PRUNE2: variants seen among roughly 807,000 people sequenced by gnomAD.
The protein encoded by PRUNE2 is protein prune homolog 2.
Under a neutral mutation model 252.0 loss-of-function variants are expected in PRUNE2, and 164 were observed. That is an observed-to-expected ratio of 0.65 (90% CI 0.57 to 0.74). The LOEUF (loss-of-function observed/expected upper bound fraction) is 0.74, where lower values mean the gene tolerates loss of function less well. PRUNE2 is among the 30% of genes least tolerant of loss of function. PRUNE2 has a pLI of 0.00. For missense variants in PRUNE2, 3,495 were observed against 3,711.0 expected (o/e 0.94, Z 1.51); for synonymous variants, 1,292 against 1,350.2 (o/e 0.96, Z 0.94).
Position 76,719,197 on chromosome 9 carries a change from C to A in PRUNE2, c.757-5476G>T, listed in dbSNP as rs151209359. Among the ~76,000 whole-genome samples, 12 of 152,176 alleles carry A rather than the reference C, an allele frequency of 7.9e-5. No homozygotes were observed. In the East Asian group the frequency reaches 1.9e-3, roughly 25 times the overall value. ...AATAATGACACTCTCCTGCTTAAAG[C>A]CTACTGAAAGTTTCCCAATGCAATT... On this transcript the variant is annotated intron_variant, in intron 6 of 18. Coordinates refer to ENST00000376718, the MANE Select transcript of PRUNE2 (RefSeq NM_015225.3).
At chr9:76,789,506 C>T (rs1453716667) in intron 6 of PRUNE2, among the ~76,000 whole-genome samples, 1 of 152,212 alleles carries the variant, frequency 6.6e-6, no homozygotes, top group Admixed American at 6.5e-5. Context: ...GTGGAGGCCT[C>T]TCCTCTGCAA....
At position 76,638,775 on chromosome 9, in the gene PRUNE2, A is replaced by G. The variant is rs924579258; in HGVS notation, c.8729-487T>C. ...CTTAATTTAAAGGGAGAATTTAGCC[A>G]CTGAAGTGCAACATAATCTCTCATC... is the stretch of plus-strand genomic sequence containing the variant. On this transcript the variant is annotated intron_variant, in intron 12 of 18. Transcript: ENST00000376718. Among the ~76,000 whole-genome samples, 9 of 152,214 alleles carry G rather than the reference A, an allele frequency of 5.9e-5. 1 individual carries two copies. The South Asian group carries it at 1.2e-3, about 21-fold the overall frequency.
chr9:76,818,397 C>G (rs973692752), intron 6 of PRUNE2, among the ~76,000 whole-genome samples: 27 of 152,178 alleles, frequency 1.8e-4, no homozygotes, highest in African/African-American at 6.5e-4. Context: ...CTTGGGAATT[C>G]ATTCTGGTCT....
chr9:76,769,259 A>T (rs1179317409), intron 6 of PRUNE2, among the ~76,000 whole-genome samples: 4 of 152,366 alleles, frequency 2.6e-5, no homozygotes, highest in African/African-American at 9.6e-5. Context: ...TCTGCAGCTT[A>T]AAACAATTTT....
At chr9:76,761,030 G>A (rs556858015) in intron 6 of PRUNE2, among the ~76,000 whole-genome samples, 22 of 143,018 alleles carry the variant, frequency 1.5e-4, no homozygotes, top group South Asian at 6.8e-4. Flanking sequence ...AGGTTGCGGT[G>A]AGCCGAGATC....
At chr9:76,858,096 A>G (rs1421041924) in intron 1 of PRUNE2, among the ~76,000 whole-genome samples, 1 of 152,240 alleles carries the variant, frequency 6.6e-6, no homozygotes, top group Non-Finnish European at 1.5e-5. Context: ...AAAAGGGACA[A>G]TAATAATGAT....
chr9:76,851,248 T>G (rs913887358), intron 2 of PRUNE2, among the ~76,000 whole-genome samples: 1 of 152,000 alleles, frequency 6.6e-6, no homozygotes, highest in African/African-American at 2.4e-5. Flanking sequence ...CCAGTGTAGT[T>G]AAAACTTTAA....
At chr9:76,905,880 T>TAA in intron 1 of PRUNE2, 48 bp downstream of exon 1, 1 of 1,612,728 alleles carries the variant, frequency 6.2e-7, no homozygotes, top group Admixed American at 1.7e-5. Flanking sequence ...CACCTTTCCA[T>TAA]TAGCATACGC....
chr9:76,882,696 T>A (rs2061858753), intron 1 of PRUNE2, among the ~76,000 whole-genome samples: 1 of 152,140 alleles, frequency 6.6e-6, no homozygotes, highest in Non-Finnish European at 1.5e-5. Flanking sequence ...ACAGGAGCCG[T>A]ACCAGGGGAT....
chr9:76,611,787 C>T lies in PRUNE2; in HGVS notation c.*2783G>A, dbSNP rs1344011581. 2 of 152,636 alleles carry T rather than the reference C, an allele frequency of 1.3e-5. No homozygotes were observed. Among genetic ancestry groups the T allele is most frequent in the Non-Finnish European group, 2.9e-5 (2 of 68,044 alleles). 9.5% of individuals were successfully genotyped at this position (152,636 alleles called of 1,614,324 possible). On this transcript the variant is annotated 3_prime_UTR_variant, in exon 19 of 19. Transcript: ENST00000376718. The stretch of plus-strand genomic sequence containing the variant: ...GATTTTCTTCCACACTGAGCTACTG[C>T]CCTCAAACAAACTTTCTCACTCCTT...
intron 6 of PRUNE2, among the ~76,000 whole-genome samples, chr9:76,810,310 A>G (rs1275984006): frequency 1.3e-5 from 2 of 152,228 alleles, no homozygotes; most frequent in African/African-American, 4.8e-5. Context: ...CAATGAGAAA[A>G]TAAAAATCAA....
Position 76,708,620 on chromosome 9 carries a change from A to G in PRUNE2, c.3654T>C (p.Ser1218=), listed in dbSNP as rs1330879522. 9.9e-6 allele frequency: 16 copies of G among 1,613,684 alleles called. No individual in the cohort carries two copies. Among genetic ancestry groups the G allele is most frequent in the Admixed American group, 1.7e-5 (1 of 59,972 alleles). The change falls in exon 8 of 19, where the codon AGT becomes AGC. Residue 1218 remains serine (S), a synonymous_variant. Coordinates refer to ENST00000376718, the MANE Select transcript of PRUNE2 (RefSeq NM_015225.3). ...TATCTCTCATGACAGAATCCCAAAT[A>G]CTGTTTGCAATTAGCTGCCCACTTT... ...NEKSGQLIAN[S]IWDSVMRDKD... is the part of the protein sequence containing the mutation.
intron 8 of PRUNE2, among the ~76,000 whole-genome samples, 178 bp from the exon 9 acceptor site, chr9:76,704,277 T>C (rs1371840712): frequency 2.0e-5 from 3 of 152,000 alleles, no homozygotes; most frequent in Non-Finnish European, 4.4e-5. Flanking sequence ...CAGGATAGAG[T>C]GCAATGGTGT....
At chr9:76,783,695 G>GT (rs1476120105) in intron 6 of PRUNE2, 1 of 152,184 alleles carries the variant, frequency 6.6e-6, no homozygotes, top group Non-Finnish European at 1.5e-5. Flanking sequence ...ATGGTCGTAT[G>GT]TATTTCCAGG....
At chr9:76,776,821 T>TA in intron 6 of PRUNE2, among the ~76,000 whole-genome samples, 1 of 117,196 alleles carries the variant, frequency 8.5e-6, no homozygotes, top group South Asian at 2.3e-4. Flanking sequence ...CAGCCAGCAG[T>TA]TTTTTTTTTT....
At chr9:76,664,960 C>T (rs111907054) in intron 9 of PRUNE2, among the ~76,000 whole-genome samples, 28 of 152,132 alleles carry the variant, frequency 1.8e-4, no homozygotes, top group African/African-American at 6.8e-4. Context: ...ATCCAGTTGG[C>T]CATCCAATCC....
chr9:76,644,935 G>T (rs1187099807), intron 11 of PRUNE2, 26 bp from the exon 12 acceptor site: 1 of 1,603,278 alleles, frequency 6.2e-7, no homozygotes, highest in Non-Finnish European at 8.5e-7. Flanking sequence ...CACAGAGCAA[G>T]GCTGAAGGAG....
intron 6 of PRUNE2, among the ~76,000 whole-genome samples, chr9:76,720,812 T>C (rs960256780): frequency 2.0e-5 from 3 of 151,888 alleles, no homozygotes; most frequent in Non-Finnish European, 2.9e-5. Flanking sequence ...TGTGAGATGA[T>C]GGAGGAAGTT....
intron 6 of PRUNE2, among the ~76,000 whole-genome samples, chr9:76,783,066 T>C (rs940389878): frequency 6.6e-6 from 1 of 152,204 alleles, no homozygotes; most frequent in African/African-American, 2.4e-5. Context: ...ATTGTGGTGA[T>C]TAAACAGAAA....
Sources: allele counts gnomAD v4.1 joint callset (sites outside exome capture counted in the v4.1 genomes callset), GRCh38; gene constraint gnomAD v4.1.1; transcripts MANE v1.5; gene names NCBI Gene and HGNC (gene_info 2026-07-23, HGNC 2026-07-21).